Variants in GPR119 observed in about 807,000 individuals in gnomAD.
GPR119 encodes glucose-dependent insulinotropic receptor.
Under a neutral mutation model 13.3 loss-of-function variants are expected in GPR119, and 7 were observed. The ratio of observed to expected loss-of-function variants is 0.53; its 90% CI spans 0.30 to 0.99. The LOEUF (loss-of-function observed/expected upper bound fraction) is 0.99. Ranked by LOEUF, GPR119 falls within the 50% of genes least tolerant of loss-of-function variation. The probability of loss-of-function intolerance (pLI) is 0.06; values close to 1 mark genes in which losing one functional copy is unlikely to be tolerated. For synonymous variants in GPR119, 107 were observed against 112.5 expected (o/e 0.95, Z 0.31); for missense variants, 197 against 263.0 (o/e 0.75, Z 1.74).
chrX:130,383,767 T>C (rs1253133589), intron 1 of GPR119, among the ~76,000 whole-genome samples: 2 of 112,598 alleles, frequency 1.8e-5, no homozygotes, highest in Non-Finnish European at 3.7e-5. Context: ...GCAATTACTG[T>C]AGTAAGTCAC....
intron 1 of GPR119, among the ~76,000 whole-genome samples, 54 bp from the exon 2 acceptor site, chrX:130,382,605 T>C (rs2034363719): frequency 9.0e-6 from 1 of 111,556 alleles, no homozygotes; most frequent in Non-Finnish European, 1.9e-5. Flanking sequence ...AATAGATCAA[T>C]GAGAAACAGC....
chrX:130,382,835 CATT>C (rs1052188727), intron 1 of GPR119, among the ~76,000 whole-genome samples: 2 of 111,121 alleles, frequency 1.8e-5, no homozygotes, highest in Non-Finnish European at 3.8e-5. Flanking sequence ...CAGGTCTAAA[CATT>C]ATAATTTGTG....
rs747925067 is a variant in GPR119 at position 130,379,506 on chromosome X, C to G, written c.*3050G>C. ...TAGTAATACTGCTTGGTGAATTTAT[C>G]CTAAGGAATGGGACAGAGACATGCC... On this transcript the variant is annotated 3_prime_UTR_variant, in exon 2 of 2. Transcript: ENST00000682440. Among the ~76,000 whole-genome samples the G allele has an allele frequency of 9.0e-6, 1 of 111,144 alleles. No individual in the cohort carries two copies. The highest frequency in any genetic ancestry group is 3.3e-5 in the African/African-American group (1 of 30,560).
At position 130,381,147 on chromosome X, in the gene GPR119, T is replaced by G. The variant is rs2034356905; in HGVS notation, c.*1409A>C. Among the ~76,000 whole-genome samples, 2 of 110,495 alleles carry G rather than the reference T, an allele frequency of 1.8e-5. No homozygotes were observed. Among genetic ancestry groups the G allele is most frequent in the African/African-American group, 6.6e-5 (2 of 30,221 alleles). ...CACAGTGTTGTTGCTGTTTTTTTTT[T>G]TGTTTGTTTGTTTGTTTTTTTGAGA... is the stretch of plus-strand genomic sequence containing the variant. On this transcript the variant is annotated 3_prime_UTR_variant, in exon 2 of 2. Coordinates refer to ENST00000682440, the MANE Select transcript of GPR119 (RefSeq NM_178471.3).
rs759498427 is a variant in GPR119, at chrX:130,382,014, TG to T, written c.*541del. On this transcript the variant is annotated 3_prime_UTR_variant, in exon 2 of 2. Coordinates refer to ENST00000682440, the MANE Select transcript of GPR119 (RefSeq NM_178471.3). ...TGAACCTAATAACACACTGATCACC[TG>T]GCCTCTCCTCCCCTCCTGCTTTTCT... Among the ~76,000 whole-genome samples the T allele has an allele frequency of 9.0e-6, 1 of 111,138 alleles. No homozygotes were observed. The highest frequency in any genetic ancestry group is 3.8e-4 in the South Asian group (1 of 2,630).
chrX:130,383,105 C>T (rs191152085), intron 1 of GPR119, among the ~76,000 whole-genome samples: 1 of 111,658 alleles, frequency 9.0e-6, no homozygotes, highest in African/African-American at 3.2e-5. Context: ...GCCAAACTCT[C>T]TAGCAATCCA....
Position 130,384,837 on chromosome X carries a change from T to C in GPR119, c.611A>G (p.His204Arg). ...ATAACCTCCAGCCATGGCTCCTGCA[T>C]GTTCCATCTTTCGAATCTGCTGGCT... The part of the protein sequence containing the change: ...MHSQQIRKME[H>R]AGAMAGGYRS... Residue 204 changes from histidine to arginine, a missense_variant, in exon 1 of 2, where the codon CAT becomes CGT. Transcript: ENST00000682440. The C allele has an allele frequency of 1.6e-6, 2 of 1,212,156 alleles. No homozygotes were observed. The highest frequency in any genetic ancestry group is 2.2e-6 in the Non-Finnish European group (2 of 895,617).
In GPR119 at chrX:130,385,168, G is replaced by A. The variant is rs1195399341; in HGVS notation, c.280C>T (p.Leu94Phe). Reference protein sequence around the residue: ...FVTSSAAASVLTVMLITFDRY... With the variant: ...FVTSSAAASVFTVMLITFDRY... ...TCAAAGGTGATCAGCATGACCGTGAGGACAGAGGCAGCTGCGGAGGAAGTG... is the reference window on the plus strand; with the variant it reads ...TCAAAGGTGATCAGCATGACCGTGAAGACAGAGGCAGCTGCGGAGGAAGTG... The change falls in exon 1 of 2, where the codon CTC (leucine) becomes TTC (phenylalanine). Residue 94 changes from leucine to phenylalanine, a missense_variant. Leu to Phe is a conservative substitution (Grantham distance 22). Transcript: ENST00000682440. The A allele has an allele frequency of 5.8e-6, 7 of 1,212,231 alleles. No individual in the cohort carries two copies. Among genetic ancestry groups the A allele is most frequent in the Non-Finnish European group, 7.8e-6 (7 of 895,569 alleles).
chrX:130,384,749 G>A lies in GPR119; in HGVS notation c.699C>T (p.Ser233=), dbSNP rs2034375267. The A allele has an allele frequency of 1.7e-6, 2 of 1,211,857 alleles. No homozygotes were observed. Among genetic ancestry groups the A allele is most frequent in the Non-Finnish European group, 2.2e-6 (2 of 895,482 alleles). Residue 233 remains serine, a synonymous_variant, in exon 1 of 2, where the codon AGC becomes AGT. Transcript: ENST00000682440. ...GGAAGGGGGTCCAGGATAGAGCAAA[G>A]CTCCCAATGAGAACAGACACAGTAC... The part of the protein sequence containing the change: ...ALRTVSVLIG[S]FALSWTPFLI...
In GPR119 at chrX:130,380,119, C is replaced by A. The variant is rs1356378617; in HGVS notation, c.*2437G>T. 1.8e-5 allele frequency among the ~76,000 whole-genome samples: 2 copies of A among 112,381 alleles called. No individual in the cohort carries two copies. The highest frequency in any genetic ancestry group is 3.7e-5 in the Non-Finnish European group (2 of 53,340). ...CTGAAGGAGCCACAGAATTGAGTGG[C>A]TGACAGTAGCTGAGGAGTTGTGGTC... On this transcript the variant is annotated 3_prime_UTR_variant, in exon 2 of 2. Transcript: ENST00000682440.
chrX:130,381,757 G>A lies in GPR119; in HGVS notation c.*799C>T, dbSNP rs148006364. ...GAAGAGGAAGAGAACTGACATTTTT[G>A]AGCACTAACAATGTGCTGTAGTTTA... On this transcript the variant is annotated 3_prime_UTR_variant, in exon 2 of 2. Transcript: ENST00000682440. Among the ~76,000 whole-genome samples, 76 of 111,864 alleles carry A rather than the reference G, an allele frequency of 6.8e-4. No homozygotes were observed. Among genetic ancestry groups the A allele is most frequent in the African/African-American group, 2.4e-3 (75 of 30,819 alleles).
Position 130,385,072 on chromosome X carries a change from T to C in GPR119, c.376A>G (p.Ile126Val), listed in dbSNP as rs144834904. Residue 126 changes from isoleucine to valine, a missense_variant, in exon 1 of 2, where the codon ATT becomes GTT. Physicochemically the swap from Ile to Val is conservative, Grantham distance 29. Coordinates refer to ENST00000682440, the MANE Select transcript of GPR119 (RefSeq NM_178471.3). The part of the protein sequence containing the change: ...IMSGFVAGAC[I>V]AGLWLVSYLI... ...TAAGACACTAACCACAGCCCGGCAA[T>C]GCAGGCCCCGGCCACGAACCCACTC... 10 of 1,210,358 alleles carry C rather than the reference T, an allele frequency of 8.3e-6. No individual in the cohort carries two copies. The highest frequency in any genetic ancestry group is 2.2e-5 in the Admixed American group (1 of 45,832).
chrX:130,380,065 C>T lies in GPR119; in HGVS notation c.*2491G>A, dbSNP rs2034352532. Among the ~76,000 whole-genome samples, 1 of 112,192 alleles carries T rather than the reference C, an allele frequency of 8.9e-6. No homozygotes were observed. Among genetic ancestry groups the T allele is most frequent in the African/African-American group, 3.2e-5 (1 of 30,886 alleles). ...TAAAAGGAGAAAATTCCAGACCTGT[C>T]AGCAGTTTGAAGGATGACGTGGAAA... On this transcript the variant is annotated 3_prime_UTR_variant, in exon 2 of 2. Transcript: ENST00000682440.
rs781592005 is a variant in GPR119 at position 130,383,636 on chromosome X, T to C, written c.*4+800A>G. Among the ~76,000 whole-genome samples the C allele has an allele frequency of 9.8e-5, 11 of 112,318 alleles. No individual in the cohort carries two copies. The South Asian group carries it at 3.3e-3, about 34-fold the overall frequency. On this transcript the variant is annotated intron_variant, in intron 1 of 1. Transcript: ENST00000682440. ...ATAACCTATTTTAAACATCATGAGG[T>C]GTGCGAAAAGACAAGCTTTAGAGGA...
Position 130,384,792 on chromosome X carries a change from C to CT in GPR119, c.655dup (p.Ser219LysfsTer116). ...CACAGTACGGAGAGCTTTGAAGTCG[C>CT]TGGGAGTCCGTGGGGATCGATAACC... On this transcript the variant is annotated frameshift_variant, in exon 1 of 2. Coordinates refer to ENST00000682440, the MANE Select transcript of GPR119 (RefSeq NM_178471.3). LOFTEE classifies it high-confidence loss of function. 1 of 1,211,828 alleles carries CT rather than the reference C, an allele frequency of 8.3e-7. No homozygotes were observed. Among genetic ancestry groups the CT allele is most frequent in the East Asian group, 3.0e-5 (1 of 33,825 alleles).
Position 130,380,630 on chromosome X carries a change from A to T in GPR119, c.*1926T>A, listed in dbSNP as rs2034354414. On this transcript the variant is annotated 3_prime_UTR_variant, in exon 2 of 2. Transcript: ENST00000682440. ...ATTGAAAGGCTGAGGTGGGAGCATC[A>T]CTCAAGACTATCATGAACAACATAG... Among the ~76,000 whole-genome samples the T allele has an allele frequency of 8.9e-6, 1 of 112,365 alleles. No individual in the cohort carries two copies. Among genetic ancestry groups the T allele is most frequent in the Admixed American group, 9.4e-5 (1 of 10,624 alleles).
chrX:130,383,045 T>C (rs944379077), intron 1 of GPR119, among the ~76,000 whole-genome samples: 2 of 111,655 alleles, frequency 1.8e-5, no homozygotes, highest in Non-Finnish European at 3.8e-5. Context: ...CCTCTTTTGT[T>C]GTCAACTTGG....
chrX:130,383,170 G>C (rs1049330401), intron 1 of GPR119, among the ~76,000 whole-genome samples: 3 of 111,699 alleles, frequency 2.7e-5, no homozygotes, highest in Non-Finnish European at 5.6e-5. Context: ...GAAAGGCAGA[G>C]AGTGGTTCCT....
intron 1 of GPR119, 33 bp downstream of exon 1, chrX:130,384,403 G>T: frequency 8.5e-7 from 1 of 1,170,055 alleles, no homozygotes; most frequent in Non-Finnish European, 1.2e-6. Flanking sequence ...GAGTGGGGAG[G>T]AGAAAGGCAC....
Sources: allele counts gnomAD v4.1 joint callset (sites outside exome capture counted in the v4.1 genomes callset), GRCh38; gene constraint gnomAD v4.1.1; transcripts MANE v1.5; gene names NCBI Gene and HGNC (gene_info 2026-07-23, HGNC 2026-07-21).